GLDC: variants seen among roughly 807,000 people sequenced by gnomAD.
GLDC encodes the protein glycine dehydrogenase (decarboxylating), mitochondrial.
GLDC carries 104 observed loss-of-function variants against 121.3 expected under a neutral mutation model. The observed-to-expected ratio is 0.86, with a 90% CI of 0.73 to 1.01. The LOEUF is 1.01. Among genes scored for constraint, GLDC ranks in the 50% least tolerant of loss-of-function variants. GLDC has a pLI of 0.00. For synonymous variants in GLDC, 546 were observed against 480.6 expected, an observed-to-expected ratio of 1.14 and a Z score of -1.78; for missense variants, 1,429 against 1,306.6, an observed-to-expected ratio of 1.09 and a Z score of -1.44.
intron 16 of GLDC, among the ~76,000 whole-genome samples, chr9:6,564,357 G>A (rs1005563241): frequency 6.6e-6 from 1 of 152,130 alleles, no homozygotes; most frequent in East Asian, 1.9e-4. Context: ...ATGTTCCTTC[G>A]TTTCCCCTGT....
intron 2 of GLDC, among the ~76,000 whole-genome samples, chr9:6,630,729 C>T (rs1411687728): frequency 6.6e-6 from 1 of 152,142 alleles, no homozygotes; most frequent in African/African-American, 2.4e-5. Context: ...TCAAGATAAA[C>T]AGACCATGAA....
intron 15 of GLDC, among the ~76,000 whole-genome samples, chr9:6,582,034 G>A (rs1050095448): frequency 4.0e-5 from 6 of 151,520 alleles, no homozygotes; most frequent in Admixed American, 2.0e-4. Context: ...GGCCAACATA[G>A]TGAAACCCGA....
At chr9:6,536,663 C>T (rs750489542) in intron 22 of GLDC, among the ~76,000 whole-genome samples, 8 of 151,964 alleles carry the variant, frequency 5.3e-5, no homozygotes, top group Non-Finnish European at 4.4e-5. Context: ...TAAATATGGC[C>T]GGAAAATGAG....
intron 16 of GLDC, among the ~76,000 whole-genome samples, chr9:6,561,889 C>G (rs899246916): frequency 1.3e-5 from 2 of 152,180 alleles, no homozygotes; most frequent in Non-Finnish European, 1.5e-5. Context: ...TGTCTTACCA[C>G]TGGTAAAATC....
chr9:6,544,332 C>T (rs949724821), intron 21 of GLDC, among the ~76,000 whole-genome samples: 2 of 152,102 alleles, frequency 1.3e-5, no homozygotes, highest in Admixed American at 6.5e-5. Flanking sequence ...CCCACCCATA[C>T]AGCAAGGGCC....
At chr9:6,584,933 A>C (rs1039346219) in intron 15 of GLDC, 1 of 152,238 alleles carries the variant, frequency 6.6e-6, no homozygotes, top group East Asian at 1.9e-4. Flanking sequence ...GGACAAAGAA[A>C]GAACACCAGG....
At chr9:6,594,843 G>A (rs373943655) in intron 9 of GLDC, among the ~76,000 whole-genome samples, 171 bp downstream of exon 9, 1 of 140,852 alleles carries the variant, frequency 7.1e-6, no homozygotes, top group African/African-American at 2.5e-5. Context: ...AAAAGAAAGA[G>A]AAAGAAAGAA....
chr9:6,634,880 G>A (rs767398486), intron 2 of GLDC, among the ~76,000 whole-genome samples: 4 of 152,022 alleles, frequency 2.6e-5, no homozygotes, highest in African/African-American at 9.7e-5. Flanking sequence ...CAAAACACAG[G>A]ATCAATCCTT....
chr9:6,622,003 A>T (rs989634825), intron 2 of GLDC, among the ~76,000 whole-genome samples: 1 of 152,154 alleles, frequency 6.6e-6, no homozygotes, highest in East Asian at 1.9e-4. Context: ...TTTTTCCTCT[A>T]TCAGAGAAAA....
At position 6,558,695 on chromosome 9, in the gene GLDC, G is replaced by C. The variant is rs768943915; in HGVS notation, c.1927-11C>G. 3 of 1,613,978 alleles carry C rather than the reference G, an allele frequency of 1.9e-6. No homozygotes were observed. Among genetic ancestry groups the C allele is most frequent in the Middle Eastern group, 1.6e-4 (1 of 6,084 alleles). On this transcript the variant is annotated splice_polypyrimidine_tract_variant and intron_variant, in intron 16 of 24. Transcript: ENST00000321612. ...CGGAATGAGGCAAACCTACAGAATA[G>C]AAAGGAAGCAAAGAAAGAGCAAAAT...
At chr9:6,586,219 C>A (rs1818268637) in intron 15 of GLDC, among the ~76,000 whole-genome samples, 1 of 152,024 alleles carries the variant, frequency 6.6e-6, no homozygotes. Context: ...CTCTTGAATG[C>A]AGGAGGCAGA....
chr9:6,550,108 T>C (rs1817480568), intron 21 of GLDC, among the ~76,000 whole-genome samples: 1 of 152,226 alleles, frequency 6.6e-6, no homozygotes, highest in African/African-American at 2.4e-5. Context: ...CAGGCCCATC[T>C]CAAATGGCTC....
intron 2 of GLDC, chr9:6,639,022 A>G (rs1384151300): frequency 2.0e-6 from 1 of 509,910 alleles, no homozygotes; most frequent in Non-Finnish European, 3.5e-6. Flanking sequence ...AAAAAAAAAA[A>G]AGTATATCCT....
chr9:6,538,876 G>A (rs1251993284), intron 22 of GLDC, among the ~76,000 whole-genome samples: 3 of 152,158 alleles, frequency 2.0e-5, no homozygotes, highest in Non-Finnish European at 4.4e-5. Flanking sequence ...GAGTTGCCAA[G>A]CAGAGATCTT....
At chr9:6,604,167 C>T (rs796646742) in intron 7 of GLDC, among the ~76,000 whole-genome samples, 4 of 152,174 alleles carry the variant, frequency 2.6e-5, no homozygotes, top group Non-Finnish European at 4.4e-5. Context: ...CAAATGGCCA[C>T]GTGGCGGAAG....
At chr9:6,573,241 A>T (rs1001153113) in intron 15 of GLDC, among the ~76,000 whole-genome samples, 15 of 152,008 alleles carry the variant, frequency 9.9e-5, no homozygotes, top group African/African-American at 3.4e-4. Context: ...CAGGTGGATC[A>T]CCTGAGGTCA....
At chr9:6,599,720 C>CAAAAAAAAAAA (rs549444099) in intron 8 of GLDC, among the ~76,000 whole-genome samples, 82 of 120,686 alleles carry the variant, frequency 6.8e-4, no homozygotes, top group African/African-American at 2.7e-3. Flanking sequence ...GACTCCATCT[C>CAAAAAAAAAAA]AAAAAAAAAA....
intron 2 of GLDC, chr9:6,639,097 C>G (rs1819572148): frequency 1.4e-6 from 1 of 700,460 alleles, no homozygotes; most frequent in African/African-American, 1.8e-5. Flanking sequence ...ACAGTCCAAT[C>G]TGCCTATTGA....
In GLDC at chr9:6,589,251, A is replaced by C; in HGVS notation, c.1524T>G (p.Ile508Met). The change falls in exon 12 of 25, where the codon ATT becomes ATG. Residue 508 changes from isoleucine (I) to methionine (M), a missense_variant. Ile to Met is a conservative substitution (Grantham distance 10, BLOSUM62 1). Transcript: ENST00000321612. The stretch of plus-strand genomic sequence containing the variant: ...TGGTCCTCTTGAACACAGACCCTGG[A>C]ATACCTCTGCACTCCTCTCCCATGC... ...AESMGEECRG[I>M]PGSVFKRTSP... 6.2e-7 allele frequency: 1 copy of C among 1,611,498 alleles called. No individual in the cohort carries two copies. The highest frequency in any genetic ancestry group is 8.5e-7 in the Non-Finnish European group (1 of 1,177,610).
Sources: gnomAD v4.1 joint callset for allele counts (sites outside exome capture counted in the v4.1 genomes callset) on GRCh38, gnomAD v4.1.1 for gene constraint, MANE v1.5 for transcripts, NCBI Gene and HGNC (gene_info 2026-07-23, HGNC 2026-07-21) for gene names.